The following CUL5 variants were observed in gnomAD, a reference collection of about 807,000 sequenced individuals.
CUL5 encodes the protein cullin 5.
CUL5 carries 26 observed loss-of-function variants against 108.8 expected under a neutral mutation model. That is an observed-to-expected ratio of 0.24 (90% CI 0.18 to 0.33). The LOEUF is 0.33. Among genes scored for constraint, CUL5 ranks in the 10% least tolerant of loss-of-function variants. The pLI, the probability that CUL5 is intolerant of heterozygous loss-of-function variation, is 1.00. For synonymous variants in CUL5, 334 were observed against 298.0 expected (o/e 1.12, Z -1.25); for missense variants, 524 against 909.2 (o/e 0.58, Z 5.45).
At chr11:108,084,820 G>A (rs539938716) in intron 11 of CUL5, 2 of 152,320 alleles carry the variant, frequency 1.3e-5, no homozygotes, top group African/African-American at 2.4e-5. Context: ...GATATAACAC[G>A]TGTTGGTAAG....
At chr11:108,009,450 C>G (rs1358484815) in intron 1 of CUL5, 78 bp downstream of exon 1, 1 of 1,508,512 alleles carries the variant, frequency 6.6e-7, no homozygotes, top group Non-Finnish European at 9.2e-7. Flanking sequence ...GGCTCAGGTT[C>G]AGCTGCGAAG....
chr11:108,039,071 A>G (rs1862821692), intron 2 of CUL5, among the ~76,000 whole-genome samples: 1 of 150,680 alleles, frequency 6.6e-6, no homozygotes, highest in South Asian at 2.1e-4. Context: ...CCCAGGCTGG[A>G]GTGCAATGGC....
At chr11:108,019,933 C>T (rs1862288258) in intron 1 of CUL5, among the ~76,000 whole-genome samples, 1 of 151,974 alleles carries the variant, frequency 6.6e-6, no homozygotes, top group Non-Finnish European at 1.5e-5. Context: ...GATCACACGG[C>T]AAGAAAGGAA....
At chr11:108,042,109 A>G (rs1456572129) in intron 2 of CUL5, among the ~76,000 whole-genome samples, 1 of 151,744 alleles carries the variant, frequency 6.6e-6, no homozygotes, top group Admixed American at 6.6e-5. Context: ...AAAGGGGGTT[A>G]GTTTGCCCAA....
chr11:108,069,783 T>G (rs1863776539), intron 7 of CUL5, among the ~76,000 whole-genome samples: 2 of 152,342 alleles, frequency 1.3e-5, no homozygotes, highest in South Asian at 4.1e-4. Context: ...AACCTAATTT[T>G]AAAACAGGTT....
chr11:108,057,466 T>A (rs986774986), intron 7 of CUL5, among the ~76,000 whole-genome samples: 4 of 152,186 alleles, frequency 2.6e-5, no homozygotes, highest in African/African-American at 4.8e-5. Flanking sequence ...TAGTAGGACA[T>A]GCTGACATAC....
intron 9 of CUL5, 72 bp from the exon 10 acceptor site, chr11:108,073,318 A>G (rs1863869904): frequency 4.4e-6 from 3 of 686,876 alleles, no homozygotes; most frequent in African/African-American, 1.9e-5. Flanking sequence ...TATTAAAATT[A>G]TGTTTATTTT....
At chr11:108,032,188 C>G (rs1268663087) in intron 1 of CUL5, among the ~76,000 whole-genome samples, 1 of 152,160 alleles carries the variant, frequency 6.6e-6, no homozygotes, top group Non-Finnish European at 1.5e-5. Context: ...AAAATCGTGA[C>G]TTTTGTTGAA....
chr11:108,048,797 G>A (rs944463207), intron 3 of CUL5, among the ~76,000 whole-genome samples: 3 of 151,690 alleles, frequency 2.0e-5, no homozygotes, highest in African/African-American at 7.3e-5. Context: ...CTCCCGAGCA[G>A]CTGAGATTAC....
rs141266429 is a variant in CUL5, at chr11:108,060,261, T to C, written c.780+5306T>C. 2.8e-3 allele frequency among the ~76,000 whole-genome samples: 420 copies of C among 152,236 alleles called. 1 individual carries two copies. The highest frequency in any genetic ancestry group is 4.8e-3 in the Non-Finnish European group (326 of 68,028). The stretch of plus-strand genomic sequence containing the variant: ...CAGACTTTTGTAGTGCCACTAATGA[T>C]AGTAGTACAGAAAGAATCTTAGTCA... On this transcript the variant is annotated intron_variant, in intron 7 of 18. Coordinates refer to ENST00000393094, the MANE Select transcript of CUL5 (RefSeq NM_003478.6).
intron 1 of CUL5, among the ~76,000 whole-genome samples, chr11:108,018,362 A>G (rs1236352351): frequency 6.6e-6 from 1 of 152,194 alleles, no homozygotes; most frequent in African/African-American, 2.4e-5. Flanking sequence ...TCAACCAACC[A>G]AAGATTAAAA....
intron 1 of CUL5, among the ~76,000 whole-genome samples, chr11:108,017,666 A>G (rs1448785022): frequency 6.6e-6 from 1 of 152,184 alleles, no homozygotes; most frequent in Non-Finnish European, 1.5e-5. Flanking sequence ...TCTGGGCAAC[A>G]TAGTAAGACC....
intron 11 of CUL5, among the ~76,000 whole-genome samples, chr11:108,081,422 TC>T (rs1436850585): frequency 6.6e-6 from 1 of 151,746 alleles, no homozygotes; most frequent in Non-Finnish European, 1.5e-5. Context: ...ACCCAATTGT[TC>T]CAGCATTCAT....
At chr11:108,094,616 TG>T in intron 14 of CUL5, 102 bp downstream of exon 14, 1 of 820,966 alleles carries the variant, frequency 1.2e-6, no homozygotes, top group Non-Finnish European at 1.8e-6. Context: ...GATCGAAAGA[TG>T]TTATGAAGTC....
intron 7 of CUL5, among the ~76,000 whole-genome samples, chr11:108,060,413 A>G (rs1305795512): frequency 1.3e-5 from 2 of 152,170 alleles, no homozygotes; most frequent in Non-Finnish European, 2.9e-5. Context: ...TTCAACTCTT[A>G]CGTTGTAGCT....
In CUL5 at chr11:108,104,667, A is replaced by C. The variant is rs1864749330; in HGVS notation, c.*283A>C. 2 of 218,904 alleles carry C rather than the reference A, an allele frequency of 9.1e-6. No homozygotes were observed. The highest frequency in any genetic ancestry group is 3.3e-4 in the South Asian group (2 of 5,986). 13.6% of individuals were successfully genotyped at this position (218,904 alleles called of 1,614,324 possible). On this transcript the variant is annotated 3_prime_UTR_variant, in exon 19 of 19. Coordinates refer to ENST00000393094, the MANE Select transcript of CUL5 (RefSeq NM_003478.6). ...TTAAAAGTGAATTTGATTTGTACCC[A>C]CCAGGAGAAATACAGTTGGGAAGGG...
chr11:108,091,477 G>C (rs11822651), intron 13 of CUL5, among the ~76,000 whole-genome samples: 16,981 of 151,986 alleles, frequency 0.11, 968 homozygotes, highest in South Asian at 0.13. Flanking sequence ...GATGGCTTGT[G>C]CTCAGAGTTT....
chr11:108,034,306 T>C (rs1214953728), intron 2 of CUL5, among the ~76,000 whole-genome samples: 4 of 152,186 alleles, frequency 2.6e-5, no homozygotes, highest in Admixed American at 6.5e-5. Context: ...GAGAAGCTTA[T>C]TGGAGACTCA....
At chr11:108,070,848 A>G (rs1342997311) in intron 8 of CUL5, among the ~76,000 whole-genome samples, 1 of 152,240 alleles carries the variant, frequency 6.6e-6, no homozygotes. Context: ...TTTAAAGTGC[A>G]TATTTCAATT....
Sources: allele counts gnomAD v4.1 joint callset (sites outside exome capture counted in the v4.1 genomes callset), GRCh38; gene constraint gnomAD v4.1.1; transcripts MANE v1.5; gene names NCBI Gene and HGNC (gene_info 2026-07-23, HGNC 2026-07-21).